Variants in CLEC9A observed in about 807,000 individuals in gnomAD.
CLEC9A encodes the protein C-type lectin domain family 9 member A.
Under a neutral mutation model 30.0 loss-of-function variants are expected in CLEC9A, and 24 were observed. That is an observed-to-expected ratio of 0.80 (90% confidence interval 0.58 to 1.13). CLEC9A has a LOEUF of 1.13. CLEC9A is among the 50% of genes most tolerant of loss of function. The probability of loss-of-function intolerance (pLI) is 0.00; values close to 1 mark genes in which losing one functional copy is unlikely to be tolerated. For synonymous variants in CLEC9A, 111 were observed against 96.8 expected (o/e 1.15, Z -0.86); for missense variants, 251 against 280.9 (o/e 0.89, Z 0.76).
intron 4 of CLEC9A, 21 bp from the exon 5 acceptor site, chr12:10,054,250 T>C: frequency 6.3e-7 from 1 of 1,589,860 alleles, no homozygotes; most frequent in Non-Finnish European, 8.6e-7. Context: ...CTCGGTATCA[T>C]TTTTCCTATT....
intron 6 of CLEC9A, among the ~76,000 whole-genome samples, chr12:10,061,709 A>G (rs1565593712): frequency 6.6e-6 from 1 of 152,180 alleles, no homozygotes; most frequent in African/African-American, 2.4e-5. Context: ...ATTTACCACA[A>G]AATTCTTTTA....
At chr12:10,052,557 C>A (rs1865902647) in intron 3 of CLEC9A, 73 bp from the exon 4 acceptor site, 2 of 1,437,742 alleles carry the variant, frequency 1.4e-6, no homozygotes, top group Admixed American at 5.1e-5. Flanking sequence ...TCCTTAAACA[C>A]AAACATATTT....
intron 1 of CLEC9A, among the ~76,000 whole-genome samples, chr12:10,032,027 G>C (rs1034536689): frequency 6.6e-6 from 1 of 152,020 alleles, no homozygotes; most frequent in Non-Finnish European, 1.5e-5. Context: ...CCTTAGGAGG[G>C]AATTGCAAAT....
chr12:10,039,624 G>A (rs970592490), intron 1 of CLEC9A, among the ~76,000 whole-genome samples: 8 of 151,924 alleles, frequency 5.3e-5, no homozygotes, highest in East Asian at 3.9e-4. Context: ...TAAAATTTGC[G>A]TCATCCCACT....
intron 1 of CLEC9A, among the ~76,000 whole-genome samples, chr12:10,039,812 C>T (rs1488131725): frequency 6.6e-6 from 1 of 151,854 alleles, no homozygotes; most frequent in African/African-American, 2.4e-5. Flanking sequence ...ATCACAAGTA[C>T]TTTATTTATT....
At chr12:10,031,479 C>T (rs763857605) in intron 1 of CLEC9A, among the ~76,000 whole-genome samples, 56 of 152,304 alleles carry the variant, frequency 3.7e-4, no homozygotes, top group Admixed American at 1.6e-3. Context: ...TGTCTTCTAA[C>T]TCGTGGCCTG....
At chr12:10,047,179 G>T (rs1232061236) in intron 2 of CLEC9A, among the ~76,000 whole-genome samples, 1 of 152,170 alleles carries the variant, frequency 6.6e-6, no homozygotes, top group East Asian at 1.9e-4. Flanking sequence ...GATTTGGAGT[G>T]AATGTATTAT....
At chr12:10,052,954 G>A (rs1865908724) in intron 4 of CLEC9A, 176 bp downstream of exon 4, 3 of 651,424 alleles carry the variant, frequency 4.6e-6, no homozygotes, top group Non-Finnish European at 7.1e-6. Context: ...GAAAAATAAA[G>A]AGAGCAATAC....
intron 2 of CLEC9A, among the ~76,000 whole-genome samples, chr12:10,049,155 GT>G (rs1327789165): frequency 4.6e-5 from 7 of 151,118 alleles, no homozygotes; most frequent in South Asian, 2.1e-4. Flanking sequence ...AAAAAAAAAG[GT>G]TTTTTTTTCT....
intron 2 of CLEC9A, among the ~76,000 whole-genome samples, chr12:10,045,113 C>T (rs902238658): frequency 4.6e-5 from 7 of 152,170 alleles, no homozygotes. Context: ...GTCTCCTGTC[C>T]CATCCATTGC....
intron 2 of CLEC9A, among the ~76,000 whole-genome samples, chr12:10,045,916 C>A (rs1459861695): frequency 6.6e-6 from 1 of 152,130 alleles, no homozygotes; most frequent in Non-Finnish European, 1.5e-5. Context: ...ACTGCATCTT[C>A]ATATATACAC....
intron 2 of CLEC9A, among the ~76,000 whole-genome samples, chr12:10,046,232 T>A (rs1865844666): frequency 6.6e-6 from 1 of 152,180 alleles, no homozygotes; most frequent in Non-Finnish European, 1.5e-5. Context: ...ACCAGAAACT[T>A]TACAAGAACA....
chr12:10,033,043 C>A (rs1417483923), intron 1 of CLEC9A, among the ~76,000 whole-genome samples: 1 of 151,990 alleles, frequency 6.6e-6, no homozygotes, highest in Non-Finnish European at 1.5e-5. Context: ...ATGAACACAT[C>A]TAATGGCTAG....
At chr12:10,037,384 T>G (rs190854772) in intron 1 of CLEC9A, among the ~76,000 whole-genome samples, 4 of 152,346 alleles carry the variant, frequency 2.6e-5, no homozygotes, top group Non-Finnish European at 5.9e-5. Context: ...TATTCATTCA[T>G]TCATTCATTT....
At chr12:10,045,203 C>T (rs1295153040) in intron 2 of CLEC9A, among the ~76,000 whole-genome samples, 3 of 152,116 alleles carry the variant, frequency 2.0e-5, no homozygotes, top group Non-Finnish European at 2.9e-5. Flanking sequence ...AAGCCTTTTC[C>T]CATTATTTCA....
chr12:10,054,398 A>C lies in CLEC9A; in HGVS notation c.172+47A>C, dbSNP rs530581964. On this transcript the variant is annotated intron_variant, in intron 5 of 8. Transcript: ENST00000355819. ...CAAAATATGTATATCGTTATATATA[A>C]AACTTCATAATTTATAAATGGATGG... is the stretch of plus-strand genomic sequence containing the variant. The C allele has an allele frequency of 6.7e-5, 81 of 1,205,826 alleles. 1 individual carries two copies. The Middle Eastern group carries it at 5.1e-3, about 75-fold the overall frequency. The allele number at this position is 1,205,826 out of a possible 1,614,324, so 74.7% of individuals were successfully genotyped here. A position where few individuals can be genotyped will look rare whatever the true frequency, so the allele number is the denominator to read the frequency against.
Position 10,064,810 on chromosome 12 carries a change from G to A in CLEC9A, c.550G>A (p.Gly184Arg), listed in dbSNP as rs756599119. The A allele has an allele frequency of 3.8e-5, 62 of 1,613,294 alleles. No individual in the cohort carries two copies. The highest frequency in any genetic ancestry group is 4.9e-5 in the Non-Finnish European group (58 of 1,179,660). ...WVGLSQDGHS[G>R]RWLWQDGSSP... ...GGGGTTGTCTCAGGATGGACACAGC[G>A]GACGCTGGCTTTGGCAAGATGGCTC... The change falls in exon 8 of 9, where the codon GGA (glycine) becomes AGA (arginine). Residue 184 changes from glycine (G) to arginine (R), a missense_variant. Transcript: ENST00000355819.
At chr12:10,054,218 C>CT in intron 4 of CLEC9A, 53 bp from the exon 5 acceptor site, 1 of 1,424,180 alleles carries the variant, frequency 7.0e-7, no homozygotes, top group Non-Finnish European at 9.9e-7. Flanking sequence ...CTTGCCCCGT[C>CT]TTTTTTATCT....
rs1865821231 is a variant in CLEC9A, at chr12:10,043,857, T to A, written c.-163+2237T>A. 2.0e-5 allele frequency among the ~76,000 whole-genome samples: 3 copies of A among 152,128 alleles called. No homozygotes were observed. The South Asian group carries it at 6.2e-4, about 32-fold the overall frequency. On this transcript the variant is annotated intron_variant, in intron 2 of 8. Transcript: ENST00000355819. Reference sequence around the variant, plus strand: ...CCACCACACCAGCTAATTTTTGTATTTTTAGTAGAGATCGGGTTTCAGCAT... The same window carrying A: ...CCACCACACCAGCTAATTTTTGTATATTTAGTAGAGATCGGGTTTCAGCAT...
Sources: gnomAD v4.1 joint callset for allele counts (sites outside exome capture counted in the v4.1 genomes callset) on GRCh38, gnomAD v4.1.1 for gene constraint, MANE v1.5 for transcripts, NCBI Gene and HGNC (gene_info 2026-07-23, HGNC 2026-07-21) for gene names.